Variants in LPP observed in about 807,000 individuals in gnomAD.
The protein encoded by LPP is lipoma-preferred partner.
Under a neutral mutation model 60.4 loss-of-function variants are expected in LPP, and 38 were observed. The observed-to-expected ratio is 0.63, with a 90% CI of 0.49 to 0.83. The LOEUF (loss-of-function observed/expected upper bound fraction) is 0.83, where lower values mean the gene tolerates loss of function less well. Ranked by LOEUF, LPP falls within the 40% of genes least tolerant of loss-of-function variation. The pLI is 0.00. For missense variants in LPP, 902 were observed against 783.6 expected (o/e 1.15, Z -1.80); for synonymous variants, 328 against 290.8 (o/e 1.13, Z -1.30).
At chr3:188,563,189 T>C (rs1831153562) in intron 6 of LPP, among the ~76,000 whole-genome samples, 1 of 151,984 alleles carries the variant, frequency 6.6e-6, no homozygotes, top group Admixed American at 6.6e-5. Context: ...CAACCAAACA[T>C]GTGTGCAGTA....
intron 2 of LPP, among the ~76,000 whole-genome samples, chr3:188,333,552 T>C (rs1452263792): frequency 6.6e-6 from 1 of 152,222 alleles, no homozygotes; most frequent in African/African-American, 2.4e-5. Flanking sequence ...AGTGACCGGA[T>C]TGGCTACTTC....
chr3:188,592,481 T>G (rs1838959085), intron 6 of LPP, among the ~76,000 whole-genome samples: 1 of 151,892 alleles, frequency 6.6e-6, no homozygotes, highest in South Asian at 2.1e-4. Flanking sequence ...AACGAGTGTT[T>G]TTTATTTCTT....
rs116597261 is a variant in LPP, at chr3:188,487,686, C to G, written c.306+2982C>G. On this transcript the variant is annotated intron_variant, in intron 5 of 11. Coordinates refer to ENST00000617246, the MANE Select transcript of LPP (RefSeq NM_001375462.1). ...GATGTGATAGCGGCTTGGTCCTGCT[C>G]TGGCCCAGGTTTGTACCAGCTATAG... Among the ~76,000 whole-genome samples the G allele has an allele frequency of 8.2e-3, 1,255 of 152,234 alleles. 17 individuals are homozygous for G. The highest frequency in any genetic ancestry group is 0.027 in the African/African-American group (1,120 of 41,498).
At position 188,448,862 on chromosome 3, in the gene LPP, T is replaced by C. The variant is rs948833094; in HGVS notation, c.194-35730T>C. Among the ~76,000 whole-genome samples, 5 of 152,248 alleles carry C rather than the reference T, an allele frequency of 3.3e-5. No individual in the cohort carries two copies. The South Asian group carries it at 1.0e-3, about 32-fold the overall frequency. ...TGCTTTTCTGAAAAACCTTGGAATT[T>C]ACCTGGTTTAGAATTAGAATCAGAA... On this transcript the variant is annotated intron_variant, in intron 4 of 11. Transcript: ENST00000617246.
At chr3:188,566,773 C>T (rs1045573445) in intron 6 of LPP, among the ~76,000 whole-genome samples, 14 of 151,720 alleles carry the variant, frequency 9.2e-5, no homozygotes, top group Admixed American at 2.6e-4. Flanking sequence ...AATTAGTCAG[C>T]AACACTTATT....
chr3:188,342,595 C>T (rs1287154421), intron 3 of LPP, among the ~76,000 whole-genome samples: 1 of 152,168 alleles, frequency 6.6e-6, no homozygotes, highest in Admixed American at 6.5e-5. Context: ...ATTTAGAGTA[C>T]TATACACATG....
intron 1 of LPP, among the ~76,000 whole-genome samples, chr3:188,168,050 C>T (rs1042347709): frequency 8.5e-5 from 13 of 152,132 alleles, no homozygotes; most frequent in Non-Finnish European, 1.3e-4. Flanking sequence ...GGGCTGAAGA[C>T]GCTTGATATA....
At chr3:188,757,475 T>C (rs1437819635) in intron 8 of LPP, among the ~76,000 whole-genome samples, 1 of 152,194 alleles carries the variant, frequency 6.6e-6, no homozygotes, top group Non-Finnish European at 1.5e-5. Context: ...GTATTACACT[T>C]CGGGCATCAT....
intron 4 of LPP, among the ~76,000 whole-genome samples, chr3:188,453,536 G>A (rs189823693): frequency 6.6e-6 from 1 of 152,056 alleles, no homozygotes; most frequent in Admixed American, 6.6e-5. Flanking sequence ...TCTCACCTCA[G>A]CGCCAGTTGC....
intron 3 of LPP, among the ~76,000 whole-genome samples, chr3:188,367,196 A>C (rs551464843): frequency 1.3e-5 from 2 of 152,196 alleles, no homozygotes; most frequent in African/African-American, 4.8e-5. Context: ...GCACCTGGCC[A>C]GAAAGTTGAT....
intron 2 of LPP, among the ~76,000 whole-genome samples, chr3:188,321,029 C>G (rs1436207258): frequency 1.2e-4 from 18 of 152,202 alleles, no homozygotes; most frequent in Admixed American, 1.2e-3. Flanking sequence ...GGAGCCATTT[C>G]TCCCTCTGGC....
rs1316951363 is a variant in LPP at position 188,296,350 on chromosome 3, T to C, written c.-66-45313T>C. 4.6e-5 allele frequency among the ~76,000 whole-genome samples: 7 copies of C among 152,032 alleles called. 1 individual carries two copies. In the South Asian group the frequency reaches 1.5e-3, roughly 32 times the overall value. On this transcript the variant is annotated intron_variant, in intron 2 of 11. Coordinates refer to ENST00000617246, the MANE Select transcript of LPP (RefSeq NM_001375462.1). ...TCGGGGGATGGAGGAATCCCAGAGG[T>C]TGGCCCCGTCTGAGAAGGCTGGAGG...
chr3:188,510,277 T>C (rs891364803), intron 5 of LPP, among the ~76,000 whole-genome samples: 3 of 152,208 alleles, frequency 2.0e-5, no homozygotes, highest in South Asian at 4.1e-4. Context: ...GTCATAGCAG[T>C]CTGTTGCATT....
intron 1 of LPP, among the ~76,000 whole-genome samples, chr3:188,163,538 G>GT (rs1240205209): frequency 6.6e-6 from 1 of 152,114 alleles, no homozygotes; most frequent in Non-Finnish European, 1.5e-5. Flanking sequence ...CTACTTATAG[G>GT]TGAATATTGA....
At chr3:188,227,543 T>C (rs1335068027) in intron 2 of LPP, among the ~76,000 whole-genome samples, 1 of 152,040 alleles carries the variant, frequency 6.6e-6, no homozygotes, top group Non-Finnish European at 1.5e-5. Flanking sequence ...TAATAGAGTA[T>C]GGCATCTAGA....
chr3:188,622,515 G>A (rs971721354), intron 7 of LPP, among the ~76,000 whole-genome samples: 3 of 152,066 alleles, frequency 2.0e-5, no homozygotes, highest in Non-Finnish European at 4.4e-5. Flanking sequence ...AAAATGTGGA[G>A]GAAATATGTG....
intron 2 of LPP, among the ~76,000 whole-genome samples, chr3:188,286,195 G>A (rs1743859135): frequency 6.6e-6 from 1 of 152,198 alleles, no homozygotes; most frequent in Admixed American, 6.5e-5. Flanking sequence ...CCCAGAGGAA[G>A]TCATACTTTC....
At chr3:188,273,587 A>ATTTT (rs1738562012) in intron 2 of LPP, among the ~76,000 whole-genome samples, 1 of 64,456 alleles carries the variant, frequency 1.6e-5, no homozygotes, top group Non-Finnish European at 3.0e-5. Context: ...GCTATTTTAT[A>ATTTT]TCTTTTTTTT....
chr3:188,252,304 C>T (rs1730117501), intron 2 of LPP, among the ~76,000 whole-genome samples: 1 of 142,614 alleles, frequency 7.0e-6, no homozygotes, highest in Non-Finnish European at 1.5e-5. Context: ...TTTTTTTGCA[C>T]TCCCTCTCTT....
Sources: gnomAD v4.1 joint callset for allele counts (sites outside exome capture counted in the v4.1 genomes callset) on GRCh38, gnomAD v4.1.1 for gene constraint, MANE v1.5 for transcripts, NCBI Gene and HGNC (gene_info 2026-07-23, HGNC 2026-07-21) for gene names.